Variants in TUSC3 observed in about 807,000 individuals in gnomAD.
The protein encoded by TUSC3 is dolichyl-diphosphooligosaccharide--protein glycosyltransferase subunit TUSC3.
TUSC3 carries 45 observed loss-of-function variants against 44.8 expected under a neutral mutation model. The ratio of observed to expected loss-of-function variants is 1.00; its 90% CI spans 0.79 to 1.29. The LOEUF is 1.29. TUSC3 is among the 50% of genes most tolerant of loss of function. The pLI, the probability that TUSC3 is intolerant of heterozygous loss-of-function variation, is 0.00. For synonymous variants in TUSC3, 212 were observed against 152.9 expected (o/e 1.39, Z -2.85); for missense variants, 519 against 437.9 (o/e 1.19, Z -1.65).
rs17121689 is a variant in TUSC3 at position 15,593,477 on chromosome 8, C to T, written c.139-29603C>T. 9.1e-3 allele frequency among the ~76,000 whole-genome samples: 1,385 copies of T among 152,222 alleles called. 19 individuals carry two copies. The highest frequency in any genetic ancestry group is 0.032 in the African/African-American group (1,319 of 41,530). ...ATGATTAGAGCATTATTATATACTT[C>T]CACTGAGATATCCAAGTGAGCCATT... On this transcript the variant is annotated intron_variant, in intron 1 of 10. Transcript: ENST00000503731.
chr8:15,519,503 G>A (rs1394087626), intron 2 of TUSC3, among the ~76,000 whole-genome samples: 2 of 152,128 alleles, frequency 1.3e-5, no homozygotes, highest in African/African-American at 4.8e-5. Context: ...ACAGCAGGAG[G>A]TGAGTGACAA....
At chr8:15,631,748 C>G (rs1459534341) in intron 2 of TUSC3, among the ~76,000 whole-genome samples, 2 of 151,710 alleles carry the variant, frequency 1.3e-5, no homozygotes, top group African/African-American at 2.4e-5. Context: ...CTGTGTCACC[C>G]AGGCTGGAGT....
At chr8:15,584,929 G>A (rs1336748369) in intron 1 of TUSC3, among the ~76,000 whole-genome samples, 1 of 152,090 alleles carries the variant, frequency 6.6e-6, no homozygotes, top group Admixed American at 6.6e-5. Flanking sequence ...AGTTTATATT[G>A]TAGGAGACAT....
the TUSC3 span, among the ~76,000 whole-genome samples, chr8:15,772,627 TAGAAG>T: frequency 7.2e-5 from 11 of 152,178 alleles, no homozygotes; most frequent in African/African-American, 1.4e-4. Context: ...GTTCAAAACA[TAGAAG>T]AGAAAGTAAC....
Position 15,445,247 on chromosome 8 carries a change from A to T in TUSC3, n.91+27942A>T, listed in dbSNP as rs544488072. Reference sequence around the variant, plus strand: ...TATTCAATAGTTTGAGAATAAGGAGAAAACTATCATCTCTTCTGGGTCTCC... The same window carrying T: ...TATTCAATAGTTTGAGAATAAGGAGTAAACTATCATCTCTTCTGGGTCTCC... On this transcript the variant is annotated intron_variant and non_coding_transcript_variant, in intron 1 of 5. Transcript: ENST00000503191. 7.9e-5 allele frequency among the ~76,000 whole-genome samples: 12 copies of T among 152,318 alleles called. No individual in the cohort carries two copies. In the East Asian group the frequency reaches 1.9e-3, roughly 25 times the overall value.
intron 10 of TUSC3, among the ~76,000 whole-genome samples, chr8:15,763,871 C>T (rs1016823894): frequency 6.6e-6 from 1 of 151,850 alleles, no homozygotes; most frequent in Non-Finnish European, 1.5e-5. Flanking sequence ...TGTTTCAGTC[C>T]ATTCCCTTGT....
At chr8:15,769,464 A>G (rs1206307568), downstream of TUSC3, among the ~76,000 whole-genome samples, 1 of 152,148 alleles carries the variant, frequency 6.6e-6, no homozygotes, top group Non-Finnish European at 1.5e-5. Flanking sequence ...AAGACCTAAA[A>G]CCTTAAAAAC....
downstream of TUSC3, among the ~76,000 whole-genome samples, chr8:15,767,532 T>TA (rs144693644): frequency 0.018 from 2,761 of 152,036 alleles, 86 homozygotes; most frequent in African/African-American, 0.063. Flanking sequence ...ATGCTTAAAT[T>TA]AAAAAAGCAA....
the TUSC3 span, among the ~76,000 whole-genome samples, chr8:15,845,472 C>A: frequency 6.6e-6 from 1 of 152,070 alleles, no homozygotes; most frequent in Non-Finnish European, 1.5e-5. Flanking sequence ...ATTTCCGTTC[C>A]CCAAAAGATT....
chr8:15,655,364 C>T (rs1807108551), intron 3 of TUSC3, among the ~76,000 whole-genome samples: 1 of 152,160 alleles, frequency 6.6e-6, no homozygotes, highest in Admixed American at 6.5e-5. Context: ...AAAAATGCCT[C>T]AAATGAGCAT....
At chr8:15,842,826 G>C in the TUSC3 span, among the ~76,000 whole-genome samples, 1 of 152,120 alleles carries the variant, frequency 6.6e-6, no homozygotes, top group African/African-American at 2.4e-5. Flanking sequence ...CATCTCCCCA[G>C]GATATTTCAC....
chr8:15,587,474 G>A (rs868599106), intron 1 of TUSC3, among the ~76,000 whole-genome samples: 5 of 151,996 alleles, frequency 3.3e-5, no homozygotes, highest in Non-Finnish European at 5.9e-5. Flanking sequence ...TATGGAGTAC[G>A]GAGTGATATT....
At chr8:15,493,876 A>T (rs571657058) in intron 2 of TUSC3, among the ~76,000 whole-genome samples, 4 of 152,214 alleles carry the variant, frequency 2.6e-5, no homozygotes, top group Non-Finnish European at 4.4e-5. Flanking sequence ...ACCCTTCTTC[A>T]TAGCTGAAGG....
At chr8:15,426,365 C>A (rs1799803973) in intron 1 of TUSC3, among the ~76,000 whole-genome samples, 1 of 152,242 alleles carries the variant, frequency 6.6e-6, no homozygotes, top group African/African-American at 2.4e-5. Flanking sequence ...ATTCATCTAG[C>A]ATAAGTGAAA....
downstream of TUSC3, among the ~76,000 whole-genome samples, chr8:15,771,483 G>C (rs966331820): frequency 6.7e-6 from 1 of 148,570 alleles, no homozygotes; most frequent in Non-Finnish European, 1.5e-5. Context: ...TAACTGCATA[G>C]ATTAAATATA....
chr8:15,615,101 A>C (rs1804934640), intron 1 of TUSC3, among the ~76,000 whole-genome samples: 1 of 152,174 alleles, frequency 6.6e-6, no homozygotes, highest in South Asian at 2.1e-4. Flanking sequence ...CAGCAATCTC[A>C]ATGATGGTTA....
intron 6 of TUSC3, among the ~76,000 whole-genome samples, chr8:15,723,754 C>T (rs1810394636): frequency 6.6e-6 from 1 of 152,118 alleles, no homozygotes; most frequent in African/African-American, 2.4e-5. Flanking sequence ...ACCCAAGATA[C>T]TTCCTATCTT....
chr8:15,504,623 T>A (rs1011322673), intron 2 of TUSC3, among the ~76,000 whole-genome samples: 120 of 34,038 alleles, frequency 3.5e-3, no homozygotes, highest in East Asian at 0.011. Context: ...ATATATATAT[T>A]TTTTTTTTTT....
chr8:15,643,407 G>GT (rs1378381458), intron 2 of TUSC3, among the ~76,000 whole-genome samples: 2 of 122,626 alleles, frequency 1.6e-5, no homozygotes, highest in East Asian at 2.2e-4. Flanking sequence ...GTTACTGTTA[G>GT]TTGTTTTTTT....
Sources: gnomAD v4.1 joint callset for allele counts (sites outside exome capture counted in the v4.1 genomes callset) on GRCh38, gnomAD v4.1.1 for gene constraint, MANE v1.5 for transcripts, NCBI Gene and HGNC (gene_info 2026-07-23, HGNC 2026-07-21) for gene names.